AURKA: variants seen among roughly 807,000 people sequenced by gnomAD.
AURKA encodes the protein aurora kinase A.
Under a neutral mutation model 40.9 loss-of-function variants are expected in AURKA, and 12 were observed. That is an observed-to-expected ratio of 0.29 (90% CI 0.19 to 0.48). The LOEUF is 0.48. Ranked by LOEUF, AURKA falls within the 20% of genes least tolerant of loss-of-function variation. The probability of loss-of-function intolerance (pLI) is 0.99; values close to 1 mark genes in which losing one functional copy is unlikely to be tolerated. For missense variants in AURKA, 322 were observed against 462.1 expected (o/e 0.70, Z 2.78); for synonymous variants, 170 against 164.3 (o/e 1.03, Z -0.26).
At chr20:56,388,445 T>G in intron 1 of AURKA, 1 of 563,576 alleles carries the variant, frequency 1.8e-6, no homozygotes, top group Non-Finnish European at 3.2e-6. Context: ...ATGGTCTTGC[T>G]GCTCCATCAT....
intron 5 of AURKA, among the ~76,000 whole-genome samples, chr20:56,381,824 T>G (rs1985745628): frequency 6.6e-6 from 1 of 152,066 alleles, no homozygotes; most frequent in South Asian, 2.1e-4. Context: ...TTAGGCACCT[T>G]TATTCTTAGG....
At chr20:56,382,928 A>AG in intron 5 of AURKA, 57 bp downstream of exon 5, 1 of 1,585,964 alleles carries the variant, frequency 6.3e-7, no homozygotes, top group Non-Finnish European at 8.6e-7. Context: ...ACATTACAGG[A>AG]GGGGGAGGGG....
At chr20:56,380,483 TTAAA>T (rs1985574344) in intron 6 of AURKA, among the ~76,000 whole-genome samples, 2 of 152,102 alleles carry the variant, frequency 1.3e-5, no homozygotes, top group Non-Finnish European at 2.9e-5. Context: ...GTCTACATCT[TTAAA>T]TAAATAAATG....
chr20:56,369,390 G>A lies in AURKA; in HGVS notation c.*768C>T, dbSNP rs140401483. 261 of 227,052 alleles carry A rather than the reference G, an allele frequency of 1.1e-3. No individual in the cohort carries two copies. The highest frequency in any genetic ancestry group is 5.4e-3 in the African/African-American group (244 of 44,960). 14.1% of individuals were successfully genotyped at this position (227,052 alleles called of 1,614,324 possible). A position where few individuals can be genotyped will look rare whatever the true frequency, so the allele number is the denominator to read the frequency against. Reference sequence around the variant, plus strand: ...AAAGAATTACACAGCACTCCACACAGACATAGATACTTATTTATTTGCATA... The same window carrying A: ...AAAGAATTACACAGCACTCCACACAAACATAGATACTTATTTATTTGCATA... On this transcript the variant is annotated 3_prime_UTR_variant, in exon 9 of 9. Coordinates refer to ENST00000395915, the MANE Select transcript of AURKA (RefSeq NM_198437.3).
chr20:56,386,276 C>T lies in AURKA; in HGVS notation c.300G>A (p.Gln100=), dbSNP rs1346822742. The T allele has an allele frequency of 2.5e-6, 4 of 1,614,102 alleles. No homozygotes were observed. The highest frequency in any genetic ancestry group is 3.4e-6 in the Non-Finnish European group (4 of 1,180,048). Residue 100 remains glutamine, a synonymous_variant, in exon 3 of 9, where the codon CAG becomes CAA. Transcript: ENST00000395915. ...RPLNNTQKSK[Q]PLPSAPENNP... ...GTTTACCAGGTGCCGATGGCAGGGG[C>T]TGCTTGCTCTTTTGGGTGTTATTCA... is the stretch of plus-strand genomic sequence containing the variant.
chr20:56,388,228 A>C, intron 1 of AURKA, 26 bp from the exon 2 acceptor site: 2 of 1,062,152 alleles, frequency 1.9e-6, no homozygotes, highest in Non-Finnish European at 2.3e-6. Context: ...AGAACCTTTA[A>C]TTTGAACAAA....
At chr20:56,384,391 A>C in intron 3 of AURKA, 67 bp from the exon 4 acceptor site, 1 of 1,216,758 alleles carries the variant, frequency 8.2e-7, no homozygotes, top group Non-Finnish European at 1.2e-6. Context: ...CTGTGAATAG[A>C]GGTGAATCAA....
chr20:56,381,000 T>C (rs1028280861), intron 6 of AURKA, among the ~76,000 whole-genome samples: 15 of 152,120 alleles, frequency 9.9e-5, no homozygotes, highest in African/African-American at 3.4e-4. Flanking sequence ...AAAACTATCC[T>C]AGCCAGGTAC....
chr20:56,370,138 T>C lies in AURKA; in HGVS notation c.*20A>G, dbSNP rs2146117868. 5 of 1,612,122 alleles carry C rather than the reference T, an allele frequency of 3.1e-6. No homozygotes were observed. Among genetic ancestry groups the C allele is most frequent in the Non-Finnish European group, 4.2e-6 (5 of 1,179,902 alleles). ...TTATATGGCAGCCCTGGCTCAAGGA[T>C]TTCTCCCCCTGCACGATTCCTAAGA... On this transcript the variant is annotated 3_prime_UTR_variant, in exon 9 of 9. Transcript: ENST00000395915.
At position 56,381,430 on chromosome 20, in the gene AURKA, T is replaced by A; in HGVS notation, c.705+3A>T. On this transcript the variant is annotated splice_donor_region_variant and intron_variant, in intron 6 of 8. Transcript: ENST00000395915. ...TTAGCCTGGACAATAAATGAACACT[T>A]ACAGTAGCAGTTCTCTGCTCATCAA... The A allele has an allele frequency of 6.2e-7, 1 of 1,612,498 alleles. No individual in the cohort carries two copies.
intron 6 of AURKA, among the ~76,000 whole-genome samples, chr20:56,376,374 A>G (rs933558422): frequency 1.3e-5 from 2 of 152,252 alleles, no homozygotes; most frequent in East Asian, 3.8e-4. Flanking sequence ...CTAATATTTA[A>G]AAAAGCAAAT....
chr20:56,387,096 A>C (rs1986465071), intron 2 of AURKA, among the ~76,000 whole-genome samples: 1 of 152,192 alleles, frequency 6.6e-6, no homozygotes, highest in Non-Finnish European at 1.5e-5. Context: ...GGAATTGAGC[A>C]AAAAACTGAC....
At chr20:56,382,451 G>C (rs551873402) in intron 5 of AURKA, among the ~76,000 whole-genome samples, 56 of 152,030 alleles carry the variant, frequency 3.7e-4, no homozygotes, top group Non-Finnish European at 6.6e-4. Flanking sequence ...AACACTGAAA[G>C]AAAAAAAGGA....
chr20:56,388,186 A>G lies in AURKA; in HGVS notation c.12T>C (p.Ser4=), dbSNP rs1328818204. Residue 4 remains serine (S), a synonymous_variant, in exon 2 of 9, where the codon TCT becomes TCC. Coordinates refer to ENST00000395915, the MANE Select transcript of AURKA (RefSeq NM_198437.3). MDR[S]KENCISGPVK... is the part of the protein sequence containing the mutation. The stretch of plus-strand genomic sequence containing the variant: ...CAGGTCCTGAAATGCAGTTTTCTTT[A>G]GATCGGTCCATGATGCCTGAAAAGA... 8 of 974,184 alleles carry G rather than the reference A, an allele frequency of 8.2e-6. No homozygotes were observed. Among genetic ancestry groups the G allele is most frequent in the Non-Finnish European group, 8.8e-6 (7 of 793,946 alleles). The allele number at this position is 974,184 out of a possible 1,614,324, so 60.3% of individuals were successfully genotyped here.
intron 3 of AURKA, 102 bp from the exon 4 acceptor site, chr20:56,384,426 G>A (rs1986109857): frequency 2.4e-6 from 2 of 849,690 alleles, no homozygotes; most frequent in Admixed American, 2.3e-5. Context: ...AAATATTAAT[G>A]GTATGTCAAG....
chr20:56,385,462 ATTTT>A (rs199813313), intron 3 of AURKA, among the ~76,000 whole-genome samples: 1 of 143,926 alleles, frequency 6.9e-6, no homozygotes, highest in Non-Finnish European at 1.5e-5. Context: ...TCCACAGTAA[ATTTT>A]TTTTTTTTTT....
In AURKA at chr20:56,370,177, G is replaced by T. The variant is rs775906971; in HGVS notation, c.1193C>A (p.Ser398Ter). 1 of 1,612,912 alleles carries T rather than the reference G, an allele frequency of 6.2e-7. No individual in the cohort carries two copies. Among genetic ancestry groups the T allele is most frequent in the Non-Finnish European group, 8.5e-7 (1 of 1,180,010 alleles). The change falls in exon 9 of 9, where the codon TCA becomes TAA. Residue 398 changes from serine to a stop codon, truncating the protein, a stop_gained. Coordinates refer to ENST00000395915, the MANE Select transcript of AURKA (RefSeq NM_198437.3). LOFTEE classifies it high-confidence loss of function. Reference protein sequence around the residue: ...SKPSNCQNKESASKQS With the variant: ...SKPSNCQNKE ...CGATTCCTAAGACTGTTTGCTAGCT[G>T]ATTCTTTGTTTTGGCAATTTGATGG...
chr20:56,373,277 A>G lies in AURKA; in HGVS notation c.854+131T>C. Reference sequence around the variant, plus strand: ...TTTATTATTAAGCCTAAATTACTCCAAAGTACTTCTGGGTTAGCCACCTAC... The same window carrying G: ...TTTATTATTAAGCCTAAATTACTCCGAAGTACTTCTGGGTTAGCCACCTAC... On this transcript the variant is annotated intron_variant, in intron 7 of 8. Coordinates refer to ENST00000395915, the MANE Select transcript of AURKA (RefSeq NM_198437.3). This position sits in a 1 kb window ranked among gnomAD's most constrained non-coding sequence, Gnocchi z 5.0. The G allele has an allele frequency of 2.4e-6, 3 of 1,232,640 alleles. No individual in the cohort carries two copies. Among genetic ancestry groups the G allele is most frequent in the Non-Finnish European group, 3.6e-6 (3 of 844,824 alleles). The allele number at this position is 1,232,640 out of a possible 1,614,324, so 76.4% of individuals were successfully genotyped here. A position where few individuals can be genotyped will look rare whatever the true frequency, so the allele number is the denominator to read the frequency against.
In AURKA at chr20:56,383,140, G is replaced by C. The variant is rs1455068425; in HGVS notation, c.411C>G (p.Arg137=). ...TACCAAACTTTCCTTTACCCAGAGG[G>C]CGACCAATTTCAAAGTCTTCCAAAG... The part of the protein sequence containing the change: ...QWALEDFEIG[R]PLGKGKFGNV... Residue 137 remains arginine, a synonymous_variant, in exon 5 of 9, where the codon CGC becomes CGG. Coordinates refer to ENST00000395915, the MANE Select transcript of AURKA (RefSeq NM_198437.3). 1 of 1,614,022 alleles carries C rather than the reference G, an allele frequency of 6.2e-7. No individual in the cohort carries two copies. The highest frequency in any genetic ancestry group is 8.5e-7 in the Non-Finnish European group (1 of 1,180,044).
Sources: allele counts gnomAD v4.1 joint callset (sites outside exome capture counted in the v4.1 genomes callset), GRCh38; gene constraint gnomAD v4.1.1; non-coding constraint Gnocchi (gnomAD v3.1); transcripts MANE v1.5; gene names NCBI Gene and HGNC (gene_info 2026-07-23, HGNC 2026-07-21).